Variants in MAD1L1 observed in about 807,000 individuals in gnomAD.
The protein encoded by MAD1L1 is mitotic spindle assembly checkpoint protein MAD1.
A neutral mutation model predicts 96.9 loss-of-function variants in MAD1L1; 95 were observed. That is an observed-to-expected ratio of 0.98 (90% CI 0.83 to 1.16). The LOEUF (loss-of-function observed/expected upper bound fraction) is 1.16, where lower values mean the gene tolerates loss of function less well. Ranked by LOEUF, MAD1L1 falls within the 50% of genes most tolerant of loss-of-function variation. The pLI, the probability that MAD1L1 is intolerant of heterozygous loss-of-function variation, is 0.00. For missense variants in MAD1L1, 1,007 were observed against 954.4 expected, an observed-to-expected ratio of 1.06 and a Z score of -0.73; for synonymous variants, 473 against 396.6, an observed-to-expected ratio of 1.19 and a Z score of -2.29.
intron 17 of MAD1L1, among the ~76,000 whole-genome samples, chr7:1,902,381 C>G (rs1192778076): frequency 3.3e-5 from 5 of 152,188 alleles, no homozygotes; most frequent in Non-Finnish European, 5.9e-5. Context: ...CTTGGCAGGG[C>G]AGGGAGAGCC....
rs1562418356 is a variant in MAD1L1 at position 1,815,902 on chromosome 7, G to C, written c.*168C>G. ...GGGTCTGCACGTGGAGAGGGTGCTGGCCGCCCCAGCAGGAAGCCCGACGTA... is the reference window on the plus strand; with the variant it reads ...GGGTCTGCACGTGGAGAGGGTGCTGCCCGCCCCAGCAGGAAGCCCGACGTA... On this transcript the variant is annotated 3_prime_UTR_variant, in exon 19 of 19. Transcript: ENST00000265854. 1.3e-6 allele frequency: 1 copy of C among 772,762 alleles called. No individual in the cohort carries two copies. The highest frequency in any genetic ancestry group is 1.8e-5 in the African/African-American group (1 of 56,938). The allele number at this position is 772,762 out of a possible 1,614,324, so 47.9% of individuals were successfully genotyped here.
At chr7:1,913,367 C>T (rs914657464) in intron 17 of MAD1L1, among the ~76,000 whole-genome samples, 4 of 151,588 alleles carry the variant, frequency 2.6e-5, no homozygotes, top group South Asian at 2.1e-4. Flanking sequence ...CCTGGGGTGG[C>T]GTGGGGTGGG....
intron 10 of MAD1L1, among the ~76,000 whole-genome samples, chr7:2,208,823 G>C (rs1792732781): frequency 6.6e-6 from 1 of 152,094 alleles, no homozygotes; most frequent in Admixed American, 6.6e-5. Context: ...CTCAAAGGGT[G>C]TGTGCTGGCC....
intron 17 of MAD1L1, among the ~76,000 whole-genome samples, chr7:1,900,853 G>A (rs1274345546): frequency 5.3e-5 from 8 of 152,198 alleles, no homozygotes; most frequent in Admixed American, 3.3e-4. Flanking sequence ...TGGAAGTTCC[G>A]GGGCTCCAGG....
At chr7:1,986,481 C>T (rs1472529991) in intron 14 of MAD1L1, among the ~76,000 whole-genome samples, 4 of 148,210 alleles carry the variant, frequency 2.7e-5, no homozygotes, top group African/African-American at 1.0e-4. Flanking sequence ...GGGAGTTCTA[C>T]TCCGCGGCTC....
rs1584355719 is a variant in MAD1L1 at position 2,114,600 on chromosome 7, T to C, written c.1073+34552A>G. ...AGCATGGCTACGACTTGAACGGTGG[T>C]TTCTTAACAGGGTCCAACAACTACA... On this transcript the variant is annotated intron_variant, in intron 11 of 18. Transcript: ENST00000265854. This position sits in a 1 kb window ranked among gnomAD's most constrained non-coding sequence, Gnocchi z 4.2. Among the ~76,000 whole-genome samples, 1 of 152,136 alleles carries C rather than the reference T, an allele frequency of 6.6e-6. No individual in the cohort carries two copies. The highest frequency in any genetic ancestry group is 1.5e-5 in the Non-Finnish European group (1 of 68,016).
intron 12 of MAD1L1, among the ~76,000 whole-genome samples, chr7:2,053,579 G>A (rs568248756): frequency 3.3e-5 from 5 of 152,348 alleles, no homozygotes; most frequent in South Asian, 4.1e-4. Flanking sequence ...GGAAAGCAAC[G>A]GGGAAGCAGA....
intron 12 of MAD1L1, among the ~76,000 whole-genome samples, chr7:2,065,484 G>C (rs1376902112): frequency 3.3e-5 from 5 of 152,194 alleles, no homozygotes; most frequent in Non-Finnish European, 7.3e-5. Context: ...GGGCAGATCT[G>C]ATGCCCCAGG....
intron 13 of MAD1L1, among the ~76,000 whole-genome samples, chr7:2,004,627 C>T (rs1781950035): frequency 6.6e-6 from 1 of 152,228 alleles, no homozygotes; most frequent in South Asian, 2.1e-4. Context: ...AGCCCAGGGT[C>T]CTGCCGAGGC....
chr7:2,066,931 A>T (rs887095474), intron 12 of MAD1L1, among the ~76,000 whole-genome samples: 1 of 152,138 alleles, frequency 6.6e-6, no homozygotes, highest in Non-Finnish European at 1.5e-5. Flanking sequence ...CACTTAAGAA[A>T]CCAGGAGGTT....
chr7:1,996,690 T>C (rs1781576294), intron 14 of MAD1L1, among the ~76,000 whole-genome samples: 1 of 152,208 alleles, frequency 6.6e-6, no homozygotes, highest in Non-Finnish European at 1.5e-5. Context: ...TGAGGCAGAC[T>C]TGGCACAGGG....
At chr7:2,011,332 C>T (rs1328014339) in intron 13 of MAD1L1, among the ~76,000 whole-genome samples, 1 of 152,200 alleles carries the variant, frequency 6.6e-6, no homozygotes, top group Non-Finnish European at 1.5e-5. Context: ...CATGTGCAGC[C>T]GCGCCCCAAC....
chr7:1,985,654 T>C (rs956676271), intron 14 of MAD1L1, among the ~76,000 whole-genome samples: 1 of 152,256 alleles, frequency 6.6e-6, no homozygotes, highest in African/African-American at 2.4e-5. Context: ...ACATGACATG[T>C]AGCACTTACA....
At chr7:2,218,893 A>G (rs1419798217) in intron 6 of MAD1L1, among the ~76,000 whole-genome samples, 2 of 151,664 alleles carry the variant, frequency 1.3e-5, no homozygotes, top group East Asian at 3.9e-4. Flanking sequence ...AGCGAGACTC[A>G]ATCTCAAAAA....
chr7:2,046,439 CG>C (rs1337545557), intron 12 of MAD1L1, among the ~76,000 whole-genome samples: 1 of 151,704 alleles, frequency 6.6e-6, no homozygotes, highest in Non-Finnish European at 1.5e-5. Context: ...AGACAGGCTC[CG>C]GCTGGGGCAC....
intron 16 of MAD1L1, among the ~76,000 whole-genome samples, chr7:1,941,847 A>G (rs181832996): frequency 2.2e-4 from 33 of 148,728 alleles, no homozygotes; most frequent in African/African-American, 7.6e-4. Context: ...CCCACCTCCC[A>G]GGAGGGCGAG....
rs988196816 is a variant in MAD1L1, at chr7:2,114,586, G to A, written c.1073+34566C>T. Among the ~76,000 whole-genome samples the A allele has an allele frequency of 1.3e-5, 2 of 152,252 alleles. No individual in the cohort carries two copies. Among genetic ancestry groups the A allele is most frequent in the African/African-American group, 4.8e-5 (2 of 41,464 alleles). On this transcript the variant is annotated intron_variant, in intron 11 of 18. Coordinates refer to ENST00000265854, the MANE Select transcript of MAD1L1 (RefSeq NM_001013836.2). This position sits in a 1 kb window ranked among gnomAD's most constrained non-coding sequence, Gnocchi z 4.2. ...TCTTCATGAAGATGAGCATGGCTAC[G>A]ACTTGAACGGTGGTTTCTTAACAGG... is the stretch of plus-strand genomic sequence containing the variant.
chr7:2,025,363 G>A (rs533055757), intron 12 of MAD1L1, among the ~76,000 whole-genome samples: 1 of 152,304 alleles, frequency 6.6e-6, no homozygotes, highest in South Asian at 2.1e-4. Context: ...GAACCAATGG[G>A]AGTCAAAAGA....
chr7:2,165,336 G>A (rs184230061), intron 10 of MAD1L1, among the ~76,000 whole-genome samples: 1 of 152,258 alleles, frequency 6.6e-6, no homozygotes, highest in African/African-American at 2.4e-5. Flanking sequence ...TGGACTGATA[G>A]AAGTGTGTTA....
Sources: gnomAD v4.1 joint callset for allele counts (sites outside exome capture counted in the v4.1 genomes callset) on GRCh38, gnomAD v4.1.1 for gene constraint, Gnocchi (gnomAD v3.1) non-coding constraint, MANE v1.5 for transcripts, NCBI Gene and HGNC (gene_info 2026-07-23, HGNC 2026-07-21) for gene names.